The following SCAPER variants were observed in gnomAD, a reference collection of about 807,000 sequenced individuals.
SCAPER encodes the protein S phase cyclin A-associated protein in the endoplasmic reticulum.
A neutral mutation model predicts 182.2 loss-of-function variants in SCAPER; 98 were observed. The ratio of observed to expected loss-of-function variants is 0.54; its 90% CI spans 0.46 to 0.64. The LOEUF (loss-of-function observed/expected upper bound fraction) is 0.64, where lower values mean the gene tolerates loss of function less well. Among genes scored for constraint, SCAPER ranks in the 30% least tolerant of loss-of-function variants. SCAPER has a pLI of 0.00. For synonymous variants in SCAPER, 605 were observed against 564.6 expected (o/e 1.07, Z -1.01); for missense variants, 1,432 against 1,690.0 (o/e 0.85, Z 2.68).
At chr15:76,898,837 T>G (rs1268078351) in intron 1 of SCAPER, among the ~76,000 whole-genome samples, 1 of 152,214 alleles carries the variant, frequency 6.6e-6, no homozygotes, top group Non-Finnish European at 1.5e-5. Context: ...AACTTGATTG[T>G]GGTAATGGAT....
chr15:76,466,596 C>T (rs1162055807), intron 25 of SCAPER, among the ~76,000 whole-genome samples: 1 of 151,076 alleles, frequency 6.6e-6, no homozygotes, highest in Non-Finnish European at 1.5e-5. Context: ...TATTTTGCTC[C>T]TTTCTTTGGG....
At position 76,583,823 on chromosome 15, in the gene SCAPER, G is replaced by A. The variant is rs1472381260; in HGVS notation, c.2712-9539C>T. Among the ~76,000 whole-genome samples the A allele has an allele frequency of 2.0e-5, 3 of 152,282 alleles. No homozygotes were observed. The South Asian group carries it at 6.2e-4, about 32-fold the overall frequency. ...ACCCTCATGCACTGTTGGTGGGAAT[G>A]TATTATAAATTAGTAAAACCACTAT... On this transcript the variant is annotated intron_variant, in intron 22 of 31. Transcript: ENST00000563290.
rs561344143 is a variant in SCAPER, at chr15:76,603,728, T to A, written c.2711+18036A>T. On this transcript the variant is annotated intron_variant, in intron 22 of 31. Coordinates refer to ENST00000563290, the MANE Select transcript of SCAPER (RefSeq NM_020843.4). ...ACTTTTTAATGATCGCCATTCTAAC[T>A]GGTGTGAGATGGTATCTCATTGTGG... Among the ~76,000 whole-genome samples the A allele has an allele frequency of 2.8e-3, 335 of 121,742 alleles. 33 individuals are homozygous for A. Among genetic ancestry groups the A allele is most frequent in the African/African-American group, 8.0e-3 (319 of 39,914 alleles). The allele number at this position is 121,742 out of a possible 152,430, so 79.9% of individuals were successfully genotyped here. A position where few individuals can be genotyped will look rare whatever the true frequency, so the allele number is the denominator to read the frequency against.
At chr15:76,804,208 G>T (rs950715933) in intron 6 of SCAPER, among the ~76,000 whole-genome samples, 2 of 152,096 alleles carry the variant, frequency 1.3e-5, no homozygotes, top group Non-Finnish European at 2.9e-5. Context: ...TCCTCCAAAA[G>T]AGATTTGTCC....
At chr15:76,582,574 T>G (rs2145527913) in intron 22 of SCAPER, among the ~76,000 whole-genome samples, 1 of 152,334 alleles carries the variant, frequency 6.6e-6, no homozygotes, top group South Asian at 2.1e-4. Context: ...AGTATTTTTC[T>G]ATTTCACGGA....
intron 6 of SCAPER, among the ~76,000 whole-genome samples, chr15:76,801,013 A>G (rs1381162735): frequency 6.6e-6 from 1 of 152,134 alleles, no homozygotes; most frequent in Non-Finnish European, 1.5e-5. Context: ...CTTACTCTCC[A>G]TTTCCTTTCA....
intron 25 of SCAPER, among the ~76,000 whole-genome samples, chr15:76,462,402 GA>G (rs886879095): frequency 9.2e-5 from 14 of 152,244 alleles, no homozygotes; most frequent in African/African-American, 3.4e-4. Flanking sequence ...CATCTTCTAT[GA>G]TGTGGATTCT....
intron 10 of SCAPER, 164 bp downstream of exon 10, chr15:76,771,578 A>C (rs894337461): frequency 9.2e-6 from 5 of 546,088 alleles, no homozygotes; most frequent in Non-Finnish European, 1.6e-5. Flanking sequence ...AAGAATCTTA[A>C]CTATATCAAA....
At chr15:76,899,730 T>C (rs964094533) in intron 1 of SCAPER, among the ~76,000 whole-genome samples, 2 of 150,906 alleles carry the variant, frequency 1.3e-5, no homozygotes, top group African/African-American at 4.9e-5. Flanking sequence ...CGTCTCTGCC[T>C]GGCTGCCCAT....
At chr15:76,832,460 T>A (rs374255818) in intron 5 of SCAPER, among the ~76,000 whole-genome samples, 3 of 152,330 alleles carry the variant, frequency 2.0e-5, no homozygotes, top group African/African-American at 7.2e-5. Flanking sequence ...ACAAAACCTC[T>A]GAGAAATATG....
At chr15:76,578,280 C>A (rs1404427853) in intron 22 of SCAPER, among the ~76,000 whole-genome samples, 1 of 152,172 alleles carries the variant, frequency 6.6e-6, no homozygotes, top group South Asian at 2.1e-4. Flanking sequence ...GCAGAACTTG[C>A]TGCACTGAAC....
In SCAPER at chr15:76,354,280, T is replaced by A; in HGVS notation, c.3856-140A>T. 1 of 597,816 alleles carries A rather than the reference T, an allele frequency of 1.7e-6. No homozygotes were observed. Among genetic ancestry groups the A allele is most frequent in the Non-Finnish European group, 2.7e-6 (1 of 374,016 alleles). 37.0% of individuals were successfully genotyped at this position (597,816 alleles called of 1,614,324 possible). Reference sequence around the variant, plus strand: ...AGACTCCTGACTCCGTACCAGAGCTTAATTTAAGTGATACTTGAAAAGAGC... The same window carrying A: ...AGACTCCTGACTCCGTACCAGAGCTAAATTTAAGTGATACTTGAAAAGAGC... On this transcript the variant is annotated intron_variant, in intron 29 of 31. Coordinates refer to ENST00000563290, the MANE Select transcript of SCAPER (RefSeq NM_020843.4). This position sits in a 1 kb window ranked among gnomAD's most constrained non-coding sequence, Gnocchi z 4.4.
intron 25 of SCAPER, among the ~76,000 whole-genome samples, chr15:76,468,592 G>A (rs1424940447): frequency 1.3e-5 from 2 of 152,078 alleles, no homozygotes; most frequent in South Asian, 4.1e-4. Flanking sequence ...ATAAATGAGA[G>A]CTATTATGAG....
chr15:76,477,947 T>C (rs1244095016), intron 24 of SCAPER, among the ~76,000 whole-genome samples: 2 of 151,884 alleles, frequency 1.3e-5, no homozygotes, highest in Non-Finnish European at 2.9e-5. Flanking sequence ...TTTTTTTTTT[T>C]AGTTTTTTTT....
rs76529763 is a variant in SCAPER at position 76,668,138 on chromosome 15, C to A, written c.2509-2349G>T. Among the ~76,000 whole-genome samples the A allele has an allele frequency of 1.3e-3, 193 of 152,186 alleles. 5 individuals are homozygous for A. The East Asian group carries it at 0.033, about 26-fold the overall frequency. On this transcript the variant is annotated intron_variant, in intron 20 of 31. Coordinates refer to ENST00000563290, the MANE Select transcript of SCAPER (RefSeq NM_020843.4). Reference sequence around the variant, plus strand: ...AACGGTACCATCATTTGCATAATTGCTCACATCCAATACATCAGCAAATCC... The same window carrying A: ...AACGGTACCATCATTTGCATAATTGATCACATCCAATACATCAGCAAATCC...
In SCAPER at chr15:76,862,398, A is replaced by G. The variant is rs377254456; in HGVS notation, c.124+18T>C. 5.9e-6 allele frequency: 9 copies of G among 1,519,794 alleles called. No individual in the cohort carries two copies. In the East Asian group the frequency reaches 9.0e-5, roughly 15 times the overall value. 94.1% of individuals were successfully genotyped at this position (1,519,794 alleles called of 1,614,324 possible). On this transcript the variant is annotated intron_variant, in intron 3 of 31. Transcript: ENST00000563290. ...CCTTATTTACAACAAAAATGAAACT[A>G]ATTTTTTAAATACATACCATCATCA...
intron 17 of SCAPER, among the ~76,000 whole-genome samples, chr15:76,724,275 G>T (rs144477249): frequency 7.2e-5 from 11 of 152,194 alleles, no homozygotes; most frequent in Admixed American, 7.2e-4. Context: ...CTGGCTTATA[G>T]AGTTTCTGCC....
intron 8 of SCAPER, among the ~76,000 whole-genome samples, chr15:76,780,231 C>T (rs763251382): frequency 4.6e-5 from 7 of 152,248 alleles, no homozygotes; most frequent in South Asian, 4.1e-4. Flanking sequence ...TTCTCTCCCG[C>T]GCCTGGCTCA....
At chr15:76,887,759 G>A (rs1302180262) in intron 1 of SCAPER, among the ~76,000 whole-genome samples, 1 of 152,212 alleles carries the variant, frequency 6.6e-6, no homozygotes, top group African/African-American at 2.4e-5. Context: ...GACAACTTGT[G>A]CAGACTTAAA....
Sources: gnomAD v4.1 joint callset for allele counts (sites outside exome capture counted in the v4.1 genomes callset) on GRCh38, gnomAD v4.1.1 for gene constraint, Gnocchi (gnomAD v3.1) non-coding constraint, MANE v1.5 for transcripts, NCBI Gene and HGNC (gene_info 2026-07-23, HGNC 2026-07-21) for gene names.